DNAH6: variants seen among roughly 807,000 people sequenced by gnomAD.
DNAH6 encodes dynein axonemal heavy chain 6.
DNAH6 carries 340 observed loss-of-function variants against 491.4 expected under a neutral mutation model. The ratio of observed to expected loss-of-function variants is 0.69; its 90% CI spans 0.63 to 0.76. DNAH6 has a LOEUF of 0.76. Among genes scored for constraint, DNAH6 ranks in the 30% least tolerant of loss-of-function variants. The pLI is 0.00. For synonymous variants in DNAH6, 1,603 were observed against 1,686.1 expected (o/e 0.95, Z 1.21); for missense variants, 4,443 against 4,972.2 (o/e 0.89, Z 3.20).
chr2:84,473,867 G>A, the DNAH6 span, among the ~76,000 whole-genome samples: 1 of 152,042 alleles, frequency 6.6e-6, no homozygotes, highest in Non-Finnish European at 1.5e-5. Flanking sequence ...TTCTTCCCTA[G>A]TTTCAGCTGC....
At chr2:84,787,033 C>T (rs1677268878) in intron 67 of DNAH6, 131 bp from the exon 68 acceptor site, 1 of 598,330 alleles carries the variant, frequency 1.7e-6, no homozygotes, top group South Asian at 2.8e-5. Context: ...GAAGTTGAGC[C>T]ACATGATTTT....
intron 64 of DNAH6, among the ~76,000 whole-genome samples, chr2:84,769,786 T>C (rs1314623469): frequency 3.9e-5 from 6 of 152,286 alleles, no homozygotes; most frequent in Non-Finnish European, 7.4e-5. Context: ...TTGAGGCAAC[T>C]AGCAGACAAA....
At chr2:84,554,000 A>G (rs533349299) in intron 10 of DNAH6, among the ~76,000 whole-genome samples, 1 of 152,278 alleles carries the variant, frequency 6.6e-6, no homozygotes, top group South Asian at 2.1e-4. Context: ...GCTCTAAGCA[A>G]CTGTAGGACT....
intron 29 of DNAH6, among the ~76,000 whole-genome samples, chr2:84,628,922 G>C (rs1422601857): frequency 2.6e-5 from 4 of 152,110 alleles, no homozygotes; most frequent in Non-Finnish European, 4.4e-5. Flanking sequence ...GAAATCCTCT[G>C]TCTCTCTTCA....
upstream of DNAH6, among the ~76,000 whole-genome samples, chr2:84,511,569 C>T (rs1675332196): frequency 6.6e-6 from 1 of 152,200 alleles, no homozygotes; most frequent in African/African-American, 2.4e-5. Flanking sequence ...CGGTGCGCTG[C>T]ACCCACTGTC....
chr2:84,488,774 A>C, the DNAH6 span, among the ~76,000 whole-genome samples: 1 of 152,264 alleles, frequency 6.6e-6, no homozygotes, highest in East Asian at 1.9e-4. Context: ...ACACATTTAC[A>C]CATTCCAGGA....
rs1190851699 is a variant in DNAH6, at chr2:84,672,412, T to A, written c.6540T>A (p.Ile2180=). ...ATCGCTATGGCTCTCAGCCTCCGAT[T>A]GAATTACTTCGGCAGTATCAAGATT... is the stretch of plus-strand genomic sequence containing the variant. ...RLDRYGSQPP[I]ELLRQYQDFG... is the part of the protein sequence containing the mutation. Residue 2180 remains isoleucine, a synonymous_variant, in exon 40 of 77, where the codon ATT becomes ATA. Transcript: ENST00000389394. 6.4e-7 allele frequency: 1 copy of A among 1,551,722 alleles called. No individual in the cohort carries two copies. The highest frequency in any genetic ancestry group is 2.4e-5 in the East Asian group (1 of 40,926).
At chr2:84,813,942 A>C (rs1056561307) in intron 74 of DNAH6, 29 bp from the exon 75 acceptor site, 1 of 1,550,780 alleles carries the variant, frequency 6.4e-7, no homozygotes, top group African/African-American at 1.4e-5. Context: ...TGTTGTTTGA[A>C]CGCAGCTTTC....
At chr2:84,727,016 T>C (rs1375156792) in intron 60 of DNAH6, among the ~76,000 whole-genome samples, 1 of 152,154 alleles carries the variant, frequency 6.6e-6, no homozygotes, top group Admixed American at 6.5e-5. Context: ...TCTCTTAAAT[T>C]TCCAGGAAAA....
At chr2:84,594,127 G>T (rs1468118869) in intron 17 of DNAH6, 42 bp downstream of exon 17, 1 of 1,052,906 alleles carries the variant, frequency 9.5e-7, no homozygotes, top group South Asian at 1.5e-5. Flanking sequence ...ATTTTTGTAT[G>T]AATTAATCTT....
chr2:84,675,458 C>T (rs1333492622), intron 40 of DNAH6, among the ~76,000 whole-genome samples: 2 of 152,098 alleles, frequency 1.3e-5, no homozygotes, highest in African/African-American at 4.8e-5. Flanking sequence ...CACACTCTTC[C>T]CTTTGCCAGA....
chr2:84,654,911 C>T, intron 35 of DNAH6, 129 bp downstream of exon 35: 1 of 988,074 alleles, frequency 1.0e-6, no homozygotes, highest in Non-Finnish European at 1.5e-6. Flanking sequence ...TTACCTAGTC[C>T]TCCCTGTGAA....
At chr2:84,722,467 A>T (rs1380168918) in intron 59 of DNAH6, among the ~76,000 whole-genome samples, 158 bp from the exon 60 acceptor site, 1 of 152,206 alleles carries the variant, frequency 6.6e-6, no homozygotes, top group Non-Finnish European at 1.5e-5. Context: ...AAGGTCACTG[A>T]GCCCTGAGAC....
At chr2:84,715,462 A>G (rs1697434158) in intron 57 of DNAH6, 98 bp from the exon 58 acceptor site, 8 of 1,131,564 alleles carry the variant, frequency 7.1e-6, no homozygotes, top group Non-Finnish European at 1.0e-5. Flanking sequence ...GACCTGAGAT[A>G]CATCCGCCTG....
chr2:84,646,489 G>C (rs2104529714), intron 33 of DNAH6, among the ~76,000 whole-genome samples: 1 of 152,292 alleles, frequency 6.6e-6, no homozygotes, highest in African/African-American at 2.4e-5. Context: ...CTGAAAGCTA[G>C]GCCTCTTGTG....
chr2:84,574,087 T>C (rs527544498), intron 12 of DNAH6, among the ~76,000 whole-genome samples: 1 of 152,282 alleles, frequency 6.6e-6, no homozygotes, highest in Non-Finnish European at 1.5e-5. Context: ...TAATCTACAA[T>C]ATCCAAGTGC....
At chr2:84,725,775 C>T (rs1698567968) in intron 60 of DNAH6, among the ~76,000 whole-genome samples, 2 of 152,206 alleles carry the variant, frequency 1.3e-5, no homozygotes, top group South Asian at 4.1e-4. Flanking sequence ...TCTACCAAAC[C>T]CATTTCACAG....
At chr2:84,538,669 G>A (rs1677946867) in intron 4 of DNAH6, among the ~76,000 whole-genome samples, 1 of 152,128 alleles carries the variant, frequency 6.6e-6, no homozygotes, top group African/African-American at 2.4e-5. Flanking sequence ...TGTTAAGTCA[G>A]TAGTTAGGAT....
intron 62 of DNAH6, among the ~76,000 whole-genome samples, chr2:84,734,146 CTT>C (rs11314819): frequency 0.023 from 3,026 of 129,372 alleles, 53 homozygotes; most frequent in African/African-American, 0.079. Flanking sequence ...TAAAACTACA[CTT>C]TTTTTTTTTT....
Sources: allele counts gnomAD v4.1 joint callset (sites outside exome capture counted in the v4.1 genomes callset), GRCh38; gene constraint gnomAD v4.1.1; transcripts MANE v1.5; gene names NCBI Gene and HGNC (gene_info 2026-07-23, HGNC 2026-07-21).